GRM8: variants seen among roughly 807,000 people sequenced by gnomAD.
The protein encoded by GRM8 is glutamate metabotropic receptor 8.
Under a neutral mutation model 87.2 loss-of-function variants are expected in GRM8, and 47 were observed. The observed-to-expected ratio is 0.54, with a 90% CI of 0.43 to 0.69. The LOEUF (loss-of-function observed/expected upper bound fraction) is 0.69. GRM8 is among the 30% of genes least tolerant of loss of function. GRM8 has a pLI of 0.00. For synonymous variants in GRM8, 396 were observed against 404.5 expected (o/e 0.98, Z 0.25); for missense variants, 1,019 against 1,139.2 (o/e 0.89, Z 1.52).
At chr7:126,938,156 A>C (rs1024145798) in intron 3 of GRM8, among the ~76,000 whole-genome samples, 12 of 152,146 alleles carry the variant, frequency 7.9e-5, no homozygotes, top group East Asian at 1.9e-4. Flanking sequence ...TTATAAAGGA[A>C]ATTTTTTGTC....
chr7:127,085,155 T>C (rs931020761), intron 3 of GRM8, among the ~76,000 whole-genome samples: 11 of 152,264 alleles, frequency 7.2e-5, no homozygotes, highest in African/African-American at 2.7e-4. Context: ...TCCTTTTTTA[T>C]GGCTGCATAG....
chr7:126,742,699 A>G (rs1318325493), intron 7 of GRM8, among the ~76,000 whole-genome samples: 1 of 150,944 alleles, frequency 6.6e-6, no homozygotes, highest in Non-Finnish European at 1.5e-5. Context: ...CTGACAAAAT[A>G]CTCCTTCCTC....
At chr7:126,963,180 A>T (rs1365804635) in intron 3 of GRM8, among the ~76,000 whole-genome samples, 1 of 152,192 alleles carries the variant, frequency 6.6e-6, no homozygotes, top group Non-Finnish European at 1.5e-5. Flanking sequence ...TCTCTATATT[A>T]TCAATTTCTC....
chr7:126,806,798 G>A (rs1586017165), intron 6 of GRM8, among the ~76,000 whole-genome samples: 2 of 152,334 alleles, frequency 1.3e-5, no homozygotes, highest in Non-Finnish European at 2.9e-5. Flanking sequence ...CTGTGCCGCT[G>A]AGTGCGGGGC....
At chr7:127,110,742 T>C (rs1826272857) in intron 2 of GRM8, among the ~76,000 whole-genome samples, 1 of 152,256 alleles carries the variant, frequency 6.6e-6, no homozygotes, top group African/African-American at 2.4e-5. Flanking sequence ...CCCAACTCCA[T>C]TCTCTTTGGG....
chr7:126,709,777 A>C (rs1160990674), intron 7 of GRM8, among the ~76,000 whole-genome samples: 1 of 152,222 alleles, frequency 6.6e-6, no homozygotes, highest in Non-Finnish European at 1.5e-5. Context: ...CTAAGTGTCC[A>C]TGGACAGAAG....
In GRM8 at chr7:127,002,129, G is replaced by A. The variant is rs1813790462; in HGVS notation, c.728-97446C>T. ...CTTTATAGTGGTGGTGGTTACATAA[G>A]TGTATACATTTGTCAAAACTCATCA... On this transcript the variant is annotated intron_variant, in intron 3 of 10. Transcript: ENST00000339582. 3.3e-5 allele frequency among the ~76,000 whole-genome samples: 5 copies of A among 151,560 alleles called. No homozygotes were observed. The South Asian group carries it at 1.0e-3, about 31-fold the overall frequency.
At chr7:126,788,236 C>A (rs529840062) in intron 6 of GRM8, among the ~76,000 whole-genome samples, 41 of 151,564 alleles carry the variant, frequency 2.7e-4, no homozygotes, top group African/African-American at 8.2e-4. Flanking sequence ...ATGTCAAAAC[C>A]CCATCTCTAA....
chr7:126,839,765 T>C (rs35810597), intron 6 of GRM8, among the ~76,000 whole-genome samples: 58,648 of 151,954 alleles, frequency 0.39, 12,047 homozygotes, highest in Non-Finnish European at 0.46. Flanking sequence ...TTTGACTCTG[T>C]TCCCAAAACT....
chr7:127,015,223 GAA>G, intron 3 of GRM8, among the ~76,000 whole-genome samples: 1 of 133,436 alleles, frequency 7.5e-6, no homozygotes, highest in Non-Finnish European at 1.6e-5. Flanking sequence ...AGAAGAAGAA[GAA>G]GAAGAAGAAG....
At chr7:126,489,250 T>C (rs896119541) in intron 9 of GRM8, among the ~76,000 whole-genome samples, 6 of 152,064 alleles carry the variant, frequency 3.9e-5, no homozygotes, top group Admixed American at 2.6e-4. Flanking sequence ...TGAAACAATG[T>C]AGTAATCAAA....
chr7:126,920,992 TG>T (rs1254628466), intron 3 of GRM8, among the ~76,000 whole-genome samples: 1 of 152,116 alleles, frequency 6.6e-6, no homozygotes, highest in Non-Finnish European at 1.5e-5. Context: ...CCAATGAATT[TG>T]TCCTCACCTC....
chr7:126,626,867 T>C (rs1176854965), intron 7 of GRM8, among the ~76,000 whole-genome samples: 3 of 152,102 alleles, frequency 2.0e-5, no homozygotes, highest in Non-Finnish European at 4.4e-5. Context: ...TAAAATATTT[T>C]TAAAATGTAG....
At chr7:127,071,535 C>G (rs1365352917) in intron 3 of GRM8, among the ~76,000 whole-genome samples, 1 of 152,194 alleles carries the variant, frequency 6.6e-6, no homozygotes, top group Non-Finnish European at 1.5e-5. Context: ...TCACTCACAA[C>G]AAGCCTCCTT....
At chr7:126,779,732 T>G (rs1819865222) in intron 6 of GRM8, among the ~76,000 whole-genome samples, 1 of 152,196 alleles carries the variant, frequency 6.6e-6, no homozygotes, top group Non-Finnish European at 1.5e-5. Flanking sequence ...TTTCATTAAC[T>G]GGTATAATTT....
chr7:126,498,562 C>T (rs1809130315), intron 9 of GRM8, among the ~76,000 whole-genome samples: 1 of 151,996 alleles, frequency 6.6e-6, no homozygotes, highest in African/African-American at 2.4e-5. Context: ...AAAACACTCA[C>T]TCACACAGGA....
At chr7:126,814,738 A>G (rs1793615537) in intron 6 of GRM8, among the ~76,000 whole-genome samples, 1 of 150,988 alleles carries the variant, frequency 6.6e-6, no homozygotes, top group Admixed American at 6.6e-5. Context: ...GTCAGAACAT[A>G]CTCATTCTAA....
chr7:126,474,379 T>A (rs956003657), intron 9 of GRM8, among the ~76,000 whole-genome samples: 13 of 152,036 alleles, frequency 8.6e-5, no homozygotes, highest in African/African-American at 3.1e-4. Context: ...AGCAATCCTC[T>A]CACCTCAGCC....
At position 126,630,133 on chromosome 7, in the gene GRM8, T is replaced by TA. The variant is rs10673410; in HGVS notation, c.1358-20636dup. ...ATTAAAAAGTTAACACAACACCAAA[T>TA]AAGAAAAAAACAATAGCCTCCAAAG... On this transcript the variant is annotated intron_variant, in intron 7 of 10. Coordinates refer to ENST00000339582, the MANE Select transcript of GRM8 (RefSeq NM_000845.3). Among the ~76,000 whole-genome samples the TA allele has an allele frequency of 4.6e-3, 696 of 150,490 alleles. 5 individuals carry two copies. The highest frequency in any genetic ancestry group is 0.042 in the East Asian group (215 of 5,096).
Sources: gnomAD v4.1 joint callset for allele counts (sites outside exome capture counted in the v4.1 genomes callset) on GRCh38, gnomAD v4.1.1 for gene constraint, MANE v1.5 for transcripts, NCBI Gene and HGNC (gene_info 2026-07-23, HGNC 2026-07-21) for gene names.